Variants in IL34 observed in about 807,000 individuals in gnomAD.
The protein encoded by IL34 is interleukin 34, also known as interleukin-34.
Under a neutral mutation model 25.3 loss-of-function variants are expected in IL34, and 17 were observed. The ratio of observed to expected loss-of-function variants is 0.67; its 90% CI spans 0.46 to 1.01. The LOEUF (loss-of-function observed/expected upper bound fraction) is 1.01, where lower values mean the gene tolerates loss of function less well. IL34 is among the 50% of genes least tolerant of loss of function. The pLI is 0.00. For missense variants in IL34, 368 were observed against 312.9 expected, an observed-to-expected ratio of 1.18 and a Z score of -1.33; for synonymous variants, 174 against 140.9, an observed-to-expected ratio of 1.23 and a Z score of -1.66.
intron 1 of IL34, among the ~76,000 whole-genome samples, chr16:70,611,133 C>G (rs945309437): frequency 6.6e-6 from 1 of 152,178 alleles, no homozygotes; most frequent in African/African-American, 2.4e-5. Flanking sequence ...TGCGCACCAC[C>G]ACGCCTGTCT....
chr16:70,615,017 G>A (rs1321623706), intron 1 of IL34, among the ~76,000 whole-genome samples: 5 of 152,136 alleles, frequency 3.3e-5, no homozygotes, highest in African/African-American at 1.2e-4. Context: ...CGGCCTCACC[G>A]GGTAACTGTT....
intron 1 of IL34, among the ~76,000 whole-genome samples, chr16:70,590,535 A>G (rs565163081): frequency 6.6e-6 from 1 of 152,124 alleles, no homozygotes; most frequent in Admixed American, 6.5e-5. Flanking sequence ...CTCGGGTCAG[A>G]GGGAGGGGGC....
At chr16:70,632,417 G>C (rs545058691) in intron 1 of IL34, among the ~76,000 whole-genome samples, 2 of 152,302 alleles carry the variant, frequency 1.3e-5, no homozygotes, top group East Asian at 3.9e-4. Context: ...TCCTTTTGTA[G>C]GTGTTTAGCC....
At chr16:70,615,294 G>A (rs988357962) in intron 1 of IL34, among the ~76,000 whole-genome samples, 7 of 152,136 alleles carry the variant, frequency 4.6e-5, no homozygotes, top group South Asian at 4.1e-4. Flanking sequence ...GGATCAAGAG[G>A]TCAAGAGATC....
chr16:70,637,889 A>G (rs1425109693), intron 1 of IL34, among the ~76,000 whole-genome samples: 1 of 152,210 alleles, frequency 6.6e-6, no homozygotes, highest in East Asian at 1.9e-4. Flanking sequence ...CTCAGTATAT[A>G]CCAGTTCTCA....
chr16:70,626,956 C>T lies in IL34; in HGVS notation c.-400-19592C>T, dbSNP rs140098971. 1.2e-3 allele frequency among the ~76,000 whole-genome samples: 178 copies of T among 152,098 alleles called. 2 individuals are homozygous for T. Among genetic ancestry groups the T allele is most frequent in the African/African-American group, 3.9e-3 (162 of 41,510 alleles). ...CTTTCTGTTCATGTTCATTCAAGTT[C>T]CCACTGTTTTGTTTATTAAGGTTGA... On this transcript the variant is annotated intron_variant, in intron 1 of 6. Transcript: ENST00000429149.
intron 1 of IL34, among the ~76,000 whole-genome samples, chr16:70,621,569 C>T (rs1458791337): frequency 1.3e-5 from 2 of 152,102 alleles, no homozygotes; most frequent in African/African-American, 4.8e-5. Context: ...GGGGATTGAT[C>T]TCCCAAGGGA....
At chr16:70,610,984 T>G (rs1484543660) in intron 1 of IL34, among the ~76,000 whole-genome samples, 1 of 151,800 alleles carries the variant, frequency 6.6e-6, no homozygotes, top group Non-Finnish European at 1.5e-5. Context: ...TTCTTTTTGT[T>G]GTTGTTTGAG....
chr16:70,611,083 G>A (rs1259537663), intron 1 of IL34, among the ~76,000 whole-genome samples: 2 of 152,136 alleles, frequency 1.3e-5, no homozygotes, highest in Admixed American at 6.5e-5. Flanking sequence ...GGTTCAGGCA[G>A]TCCTCCCGCC....
chr16:70,659,855 G>C (rs2052345465), intron 5 of IL34, 102 bp downstream of exon 5: 3 of 1,490,372 alleles, frequency 2.0e-6, no homozygotes, highest in Admixed American at 2.1e-5. Context: ...CATATCCTCT[G>C]CTCCCCGGGG....
At chr16:70,618,539 TA>T (rs1435835983) in intron 1 of IL34, among the ~76,000 whole-genome samples, 1 of 152,176 alleles carries the variant, frequency 6.6e-6, no homozygotes, top group Non-Finnish European at 1.5e-5. Flanking sequence ...TGAGGGCCTC[TA>T]AAAGTATTAA....
At chr16:70,648,552 TA>T (rs56164163) in intron 1 of IL34, among the ~76,000 whole-genome samples, 93 of 73,310 alleles carry the variant, frequency 1.3e-3, no homozygotes, top group Non-Finnish European at 1.5e-3. Context: ...ACCCTGTCTT[TA>T]AAAAAAAAAA....
intron 1 of IL34, among the ~76,000 whole-genome samples, chr16:70,613,944 C>G (rs1326189313): frequency 6.6e-6 from 1 of 150,904 alleles, no homozygotes; most frequent in Non-Finnish European, 1.5e-5. Flanking sequence ...TCCCAGTGCT[C>G]TGGGAGGCTG....
At chr16:70,602,583 A>ATTGTGTGTGTG (rs1555503166) in intron 1 of IL34, among the ~76,000 whole-genome samples, 1 of 134,960 alleles carries the variant, frequency 7.4e-6, no homozygotes, top group African/African-American at 2.8e-5. Context: ...TTTGGAATTG[A>ATTGTGTGTGTG]TGTGTGTGTG....
At chr16:70,616,466 T>C (rs1198174612) in intron 1 of IL34, among the ~76,000 whole-genome samples, 1 of 152,254 alleles carries the variant, frequency 6.6e-6, no homozygotes, top group Non-Finnish European at 1.5e-5. Flanking sequence ...GTTTAAGGCC[T>C]ATGTATTTTT....
Position 70,656,670 on chromosome 16 carries a change from C to T in IL34, c.231C>T (p.Val77=), listed in dbSNP as rs112188979. ...PYEGVFRIAN[V]TRLQRAQVSE... Reference sequence around the variant, plus strand: ...AGGGGGTGTTCAGAATCGCCAACGTCACCAGGCTGGTGAGAATCCCTTCCT... The same window carrying T: ...AGGGGGTGTTCAGAATCGCCAACGTTACCAGGCTGGTGAGAATCCCTTCCT... The change falls in exon 3 of 6, where the codon GTC becomes GTT. Residue 77 remains valine, a synonymous_variant. Coordinates refer to ENST00000288098, the MANE Select transcript of IL34 (RefSeq NM_001393494.1). The T allele has an allele frequency of 3.1e-4, 427 of 1,374,944 alleles. 2 individuals are homozygous for T. In the African/African-American group the frequency reaches 4.0e-3, roughly 13 times the overall value. 85.2% of individuals were successfully genotyped at this position (1,374,944 alleles called of 1,614,324 possible). A position where few individuals can be genotyped will look rare whatever the true frequency, so the allele number is the denominator to read the frequency against.
upstream of IL34, among the ~76,000 whole-genome samples, chr16:70,643,886 G>C (rs2051844596): frequency 6.6e-6 from 1 of 152,124 alleles, no homozygotes; most frequent in African/African-American, 2.4e-5. Flanking sequence ...CTACATGCTG[G>C]TGAAATGGCA....
Position 70,646,801 on chromosome 16 carries a change from G to T in IL34, c.-147G>T. 2.8e-6 allele frequency: 2 copies of T among 710,614 alleles called. No individual in the cohort carries two copies. Among genetic ancestry groups the T allele is most frequent in the South Asian group, 2.1e-5 (1 of 47,874 alleles). The allele number at this position is 710,614 out of a possible 1,614,324, so 44.0% of individuals were successfully genotyped here. A position where few individuals can be genotyped will look rare whatever the true frequency, so the allele number is the denominator to read the frequency against. ...GCCCTTGGGGCACCTGCTCACTCCC[G>T]CAGCCCAGCCACTCCTCCAGGGCCA... On this transcript the variant is annotated 5_prime_UTR_variant, in exon 1 of 6. Transcript: ENST00000288098.
intron 4 of IL34, among the ~76,000 whole-genome samples, chr16:70,659,384 C>G (rs2052322167): frequency 6.6e-6 from 1 of 152,202 alleles, no homozygotes; most frequent in Non-Finnish European, 1.5e-5. Context: ...ACTCATTTTT[C>G]AAGGATGGAA....
Sources: gnomAD v4.1 joint callset for allele counts (sites outside exome capture counted in the v4.1 genomes callset) on GRCh38, gnomAD v4.1.1 for gene constraint, MANE v1.5 for transcripts, NCBI Gene and HGNC (gene_info 2026-07-23, HGNC 2026-07-21) for gene names.